Variants in GPR141 observed in about 807,000 individuals in gnomAD.
GPR141 encodes G protein-coupled receptor 141.
In GPR141, 6 loss-of-function variants were observed where a neutral mutation model predicts 6.8. That is an observed-to-expected ratio of 0.88 (90% CI 0.48 to 1.74). The LOEUF (loss-of-function observed/expected upper bound fraction) is 1.74, where lower values mean the gene tolerates loss of function less well. Among genes scored for constraint, GPR141 ranks in the 40% most tolerant of loss-of-function variants. GPR141 has a pLI of 0.01. For synonymous variants in GPR141, 140 were observed against 142.3 expected, an observed-to-expected ratio of 0.98 and a Z score of 0.11; for missense variants, 372 against 372.9, an observed-to-expected ratio of 1.00 and a Z score of 0.02.
intron 2 of GPR141, among the ~76,000 whole-genome samples, chr7:37,727,292 T>TGG (rs1260233513): frequency 2.0e-5 from 3 of 152,228 alleles, no homozygotes; most frequent in African/African-American, 7.2e-5. Context: ...CAGATGATGT[T>TGG]GGAACTTCTA....
intron 2 of GPR141, among the ~76,000 whole-genome samples, chr7:37,737,167 G>A (rs570088107): frequency 6.6e-6 from 1 of 152,058 alleles, no homozygotes; most frequent in Non-Finnish European, 1.5e-5. Flanking sequence ...TGTGTCAAAA[G>A]TTGATCTTGA....
intron 2 of GPR141, among the ~76,000 whole-genome samples, chr7:37,721,157 G>T (rs533250150): frequency 6.7e-6 from 1 of 148,720 alleles, no homozygotes; most frequent in African/African-American, 2.4e-5. Context: ...AGGCTTCAGA[G>T]TCAAACAGCC....
chr7:37,730,621 A>G (rs1209439261), intron 2 of GPR141, among the ~76,000 whole-genome samples: 5 of 152,204 alleles, frequency 3.3e-5, no homozygotes, highest in Non-Finnish European at 7.3e-5. Context: ...TTGTGACTGC[A>G]GGTGCTGGCT....
In GPR141 at chr7:37,731,590, C is replaced by G. The variant is rs555458043; in HGVS notation, c.-14-8790C>G. On this transcript the variant is annotated intron_variant, in intron 2 of 2. Coordinates refer to ENST00000334425, the MANE Select transcript of GPR141 (RefSeq NM_001381946.1). ...TCCCGAGTAGCTGGGACTACAGGCG[C>G]CCGCCACAACGCCCGGCTAATTTTT... 3.9e-5 allele frequency among the ~76,000 whole-genome samples: 6 copies of G among 152,132 alleles called. No homozygotes were observed. In the East Asian group the frequency reaches 1.2e-3, roughly 30 times the overall value.
chr7:37,692,909 TGG>T (rs1809843447), intron 2 of GPR141, among the ~76,000 whole-genome samples: 1 of 152,206 alleles, frequency 6.6e-6, no homozygotes, highest in African/African-American at 2.4e-5. Flanking sequence ...CTTTGTCAGA[TGG>T]ATAGATTGCA....
In GPR141 at chr7:37,743,518, GT is replaced by G. The variant is rs1433078281; in HGVS notation, c.*2211del. Among the ~76,000 whole-genome samples the G allele has an allele frequency of 6.7e-6, 1 of 149,990 alleles. No individual in the cohort carries two copies. Among genetic ancestry groups the G allele is most frequent in the Non-Finnish European group, 1.5e-5 (1 of 67,596 alleles). On this transcript the variant is annotated 3_prime_UTR_variant, in exon 3 of 3. Transcript: ENST00000334425. ...AAGACCGTTACTAAGACCCCTGATA[GT>G]TTTAAGAAAATTTATAATACCTATA...
chr7:37,726,348 G>T (rs1811623752), intron 2 of GPR141, among the ~76,000 whole-genome samples: 1 of 152,146 alleles, frequency 6.6e-6, no homozygotes, highest in African/African-American at 2.4e-5. Flanking sequence ...TTGGGAATAG[G>T]GGAGTTAGGA....
chr7:37,706,693 T>A (rs947313225), intron 2 of GPR141, among the ~76,000 whole-genome samples: 1 of 152,174 alleles, frequency 6.6e-6, no homozygotes. Context: ...ATGATGGGTG[T>A]CATGAAAATG....
rs1357761862 is a variant in GPR141 at position 37,743,711 on chromosome 7, T to C, written c.*2400T>C. The stretch of plus-strand genomic sequence containing the variant: ...ATCTGTTATAATGTTAACATAACAC[T>C]ATGTTATTTTCATATATTATAATAA... On this transcript the variant is annotated 3_prime_UTR_variant, in exon 3 of 3. Coordinates refer to ENST00000334425, the MANE Select transcript of GPR141 (RefSeq NM_001381946.1). Among the ~76,000 whole-genome samples, 2 of 152,164 alleles carry C rather than the reference T, an allele frequency of 1.3e-5. No homozygotes were observed. Among genetic ancestry groups the C allele is most frequent in the African/African-American group, 2.4e-5 (1 of 41,460 alleles).
In GPR141 at chr7:37,685,748, A is replaced by AGC. The variant is rs1431985112; in HGVS notation, c.-15+166_-15+167dup. Among the ~76,000 whole-genome samples the AGC allele has an allele frequency of 1.2e-3, 165 of 141,698 alleles. 1 individual carries two copies. Among genetic ancestry groups the AGC allele is most frequent in the African/African-American group, 4.3e-3 (161 of 37,436 alleles). 93.0% of individuals were successfully genotyped at this position (141,698 alleles called of 152,430 possible). A position where few individuals can be genotyped will look rare whatever the true frequency, so the allele number is the denominator to read the frequency against. Reference sequence around the variant, plus strand: ...ACAAACATGAGCCACTGTGCCTGGCAGCACTTTTTTTTTTTTTTTTTTTTT... The same window carrying AGC: ...ACAAACATGAGCCACTGTGCCTGGCAGCGCACTTTTTTTTTTTTTTTTTTTTT... On this transcript the variant is annotated intron_variant, in intron 2 of 2. Transcript: ENST00000334425.
chr7:37,689,675 T>C (rs1371133286), intron 2 of GPR141, among the ~76,000 whole-genome samples: 2 of 152,130 alleles, frequency 1.3e-5, no homozygotes, highest in East Asian at 3.8e-4. Context: ...TTCCAACTTG[T>C]TGGTGTACAG....
At chr7:37,705,773 A>G (rs1384438937) in intron 2 of GPR141, among the ~76,000 whole-genome samples, 2 of 152,236 alleles carry the variant, frequency 1.3e-5, no homozygotes, top group Non-Finnish European at 2.9e-5. Flanking sequence ...CGGTATTCCC[A>G]TAAGTGAGAA....
chr7:37,724,013 G>A (rs1811490428), intron 2 of GPR141, among the ~76,000 whole-genome samples: 1 of 152,130 alleles, frequency 6.6e-6, no homozygotes. Context: ...CCTTATTTTC[G>A]AGAACATGGG....
At chr7:37,698,078 T>A (rs1562768960) in intron 2 of GPR141, among the ~76,000 whole-genome samples, 1 of 152,198 alleles carries the variant, frequency 6.6e-6, no homozygotes, top group Non-Finnish European at 1.5e-5. Flanking sequence ...TATTCCTTAT[T>A]GCCTAGACTT....
Position 37,723,788 on chromosome 7 carries a change from G to T in GPR141, c.-14-16592G>T, listed in dbSNP as rs189188686. 1.1e-4 allele frequency among the ~76,000 whole-genome samples: 16 copies of T among 152,296 alleles called. No individual in the cohort carries two copies. The East Asian group carries it at 1.2e-3, about 11-fold the overall frequency. On this transcript the variant is annotated intron_variant, in intron 2 of 2. Transcript: ENST00000334425. ...TGGCAACAAGGCTGTAGTAGCACTG[G>T]ACACTCAGGAATGCCAGGAACACAG... is the stretch of plus-strand genomic sequence containing the variant.
At position 37,741,052 on chromosome 7, in the gene GPR141, A is replaced by G; in HGVS notation, c.659A>G (p.Glu220Gly). The change falls in exon 3 of 3, where the codon GAG becomes GGG. Residue 220 changes from glutamate (E) to glycine (G), a missense_variant. By Grantham distance (98) the Glu-to-Gly change is moderately conservative. Transcript: ENST00000334425. ...CGCCACTCTTTACTATCCCACCAGG[A>G]GTTCTGGGCTCAGCTGAAAAACCTA... Reference protein sequence around the residue: ...KLRHSLLSHQEFWAQLKNLFF... With the variant: ...KLRHSLLSHQGFWAQLKNLFF... 1.2e-6 allele frequency: 2 copies of G among 1,614,108 alleles called. No homozygotes were observed. Among genetic ancestry groups the G allele is most frequent in the Non-Finnish European group, 1.7e-6 (2 of 1,179,978 alleles).
chr7:37,713,627 TACTC>T (rs768007304), intron 2 of GPR141: 1 of 152,230 alleles, frequency 6.6e-6, no homozygotes, highest in Non-Finnish European at 1.5e-5. Context: ...TGAATGGTAT[TACTC>T]AATTAAAATT....
chr7:37,729,657 C>G (rs150814835), intron 2 of GPR141, among the ~76,000 whole-genome samples: 246 of 152,236 alleles, frequency 1.6e-3, no homozygotes, highest in African/African-American at 5.7e-3. Context: ...GAGAAAGGAG[C>G]TGAGAATGTC....
At chr7:37,726,366 A>C (rs1340472504) in intron 2 of GPR141, among the ~76,000 whole-genome samples, 1 of 152,212 alleles carries the variant, frequency 6.6e-6, no homozygotes, top group Non-Finnish European at 1.5e-5. Context: ...GGAGTAAAAA[A>C]TGGGAGAATT....
Sources: allele counts gnomAD v4.1 joint callset (sites outside exome capture counted in the v4.1 genomes callset), GRCh38; gene constraint gnomAD v4.1.1; transcripts MANE v1.5; gene names NCBI Gene and HGNC (gene_info 2026-07-23, HGNC 2026-07-21).